LUZP2: variants seen among roughly 807,000 people sequenced by gnomAD.
LUZP2 encodes the protein leucine zipper protein 2.
In LUZP2, 52 loss-of-function variants were observed where a neutral mutation model predicts 51.6. The observed-to-expected ratio is 1.01, with a 90% confidence interval of 0.81 to 1.27. The LOEUF is 1.27. Ranked by LOEUF, LUZP2 falls within the 50% of genes most tolerant of loss-of-function variation. The pLI is 0.00. For missense variants in LUZP2, 436 were observed against 395.4 expected (o/e 1.10, Z -0.87); for synonymous variants, 154 against 137.3 (o/e 1.12, Z -0.85).
Position 24,541,257 on chromosome 11 carries a change from G to GAAAAA in LUZP2, c.62+43968_62+43972dup, listed in dbSNP as rs3077907. On this transcript the variant is annotated intron_variant, in intron 1 of 11. Coordinates refer to ENST00000336930, the MANE Select transcript of LUZP2 (RefSeq NM_001009909.4). ...GACAAGAGAGAGACTTCATCTCAAG[G>GAAAAA]AAAAAAAAAAAAAAAAAAAAGGAGT... Among the ~76,000 whole-genome samples, 4 of 114,206 alleles carry GAAAAA rather than the reference G, an allele frequency of 3.5e-5. 1 individual carries two copies. The highest frequency in any genetic ancestry group is 1.7e-5 in the Non-Finnish European group (1 of 58,830). 74.9% of individuals were successfully genotyped at this position (114,206 alleles called of 152,430 possible).
chr11:24,603,550 T>C lies in LUZP2; in HGVS notation c.62+106245T>C, dbSNP rs11028056. Reference sequence around the variant, plus strand: ...CACCATTTTTCTCATAACCATACTTTTCCAAAAAAATATTTTATAAAATGG... The same window carrying C: ...CACCATTTTTCTCATAACCATACTTCTCCAAAAAAATATTTTATAAAATGG... On this transcript the variant is annotated intron_variant, in intron 1 of 11. Transcript: ENST00000336930. Among the ~76,000 whole-genome samples the C allele has an allele frequency of 4.1e-3, 623 of 151,814 alleles. 12 individuals are homozygous for C. The East Asian group carries it at 0.052, about 13-fold the overall frequency.
At chr11:24,953,779 T>C (rs2133867089) in intron 7 of LUZP2, among the ~76,000 whole-genome samples, 1 of 152,148 alleles carries the variant, frequency 6.6e-6, no homozygotes, top group African/African-American at 2.4e-5. Context: ...AATACTGATT[T>C]AGAATCCACT....
chr11:24,730,111 GATA>G (rs924173634), intron 2 of LUZP2, among the ~76,000 whole-genome samples: 16 of 151,410 alleles, frequency 1.1e-4, no homozygotes, highest in African/African-American at 3.4e-4. Context: ...TGATAATAAT[GATA>G]ATGATGATGA....
Position 24,833,275 on chromosome 11 carries a change from A to G in LUZP2, c.396+69967A>G, listed in dbSNP as rs146613263. ...TCTGTAACAATTTTTCAAATTGGAG[A>G]ACTGGGAAACACTCAGTAATGGTAG... On this transcript the variant is annotated intron_variant, in intron 5 of 11. Coordinates refer to ENST00000336930, the MANE Select transcript of LUZP2 (RefSeq NM_001009909.4). Among the ~76,000 whole-genome samples, 543 of 152,300 alleles carry G rather than the reference A, an allele frequency of 3.6e-3. 2 individuals are homozygous for G. Among genetic ancestry groups the G allele is most frequent in the African/African-American group, 0.012 (512 of 41,586 alleles).
chr11:24,943,540 G>A (rs1854815542), intron 7 of LUZP2, among the ~76,000 whole-genome samples: 1 of 151,922 alleles, frequency 6.6e-6, no homozygotes, highest in African/African-American at 2.4e-5. Context: ...GCTATTCTGG[G>A]GAAAGTCCAT....
At chr11:24,964,127 A>G (rs1855510538) in intron 7 of LUZP2, among the ~76,000 whole-genome samples, 2 of 152,204 alleles carry the variant, frequency 1.3e-5, no homozygotes, top group Non-Finnish European at 2.9e-5. Flanking sequence ...TACCACCAAC[A>G]GTGTGCCAGG....
At chr11:24,897,830 C>T (rs2133772318) in intron 5 of LUZP2, among the ~76,000 whole-genome samples, 1 of 152,122 alleles carries the variant, frequency 6.6e-6, no homozygotes, top group South Asian at 2.1e-4. Context: ...TTTTTGCTTG[C>T]TCAATTGATT....
intron 9 of LUZP2, among the ~76,000 whole-genome samples, chr11:25,041,071 C>G (rs1858039620): frequency 6.6e-6 from 1 of 152,100 alleles, no homozygotes; most frequent in South Asian, 2.1e-4. Flanking sequence ...TACCTGTTGT[C>G]AGTTTTCTTA....
intron 1 of LUZP2, among the ~76,000 whole-genome samples, chr11:24,507,910 C>T (rs1381130007): frequency 6.6e-6 from 1 of 151,656 alleles, no homozygotes; most frequent in Non-Finnish European, 1.5e-5. Context: ...AGTCATATTG[C>T]CCTAGTGCCT....
At chr11:25,006,499 T>C (rs565149047) in intron 9 of LUZP2, among the ~76,000 whole-genome samples, 96 of 152,260 alleles carry the variant, frequency 6.3e-4, no homozygotes, top group African/African-American at 2.3e-3. Flanking sequence ...AAACCAATGC[T>C]CACAACTCCA....
chr11:25,050,362 C>T (rs530403671), intron 10 of LUZP2, among the ~76,000 whole-genome samples: 1 of 122,448 alleles, frequency 8.2e-6, no homozygotes, highest in Non-Finnish European at 1.6e-5. Flanking sequence ...AGTGCAGTGG[C>T]ACAATCTCGG....
At chr11:24,826,827 C>CA (rs1459632374) in intron 5 of LUZP2, among the ~76,000 whole-genome samples, 1 of 152,038 alleles carries the variant, frequency 6.6e-6, no homozygotes, top group Non-Finnish European at 1.5e-5. Context: ...AAATTAAAGG[C>CA]AAAAGAATAC....
At chr11:24,631,039 A>AT (rs1854870904) in intron 1 of LUZP2, among the ~76,000 whole-genome samples, 2 of 151,956 alleles carry the variant, frequency 1.3e-5, no homozygotes, top group African/African-American at 2.4e-5. Context: ...TTGTACATCG[A>AT]TTTTATGTCC....
chr11:24,749,601 G>T (rs190200912), intron 4 of LUZP2, among the ~76,000 whole-genome samples: 4 of 152,170 alleles, frequency 2.6e-5, no homozygotes, highest in Admixed American at 2.6e-4. Flanking sequence ...GGATAAGCTG[G>T]TTTACAGATA....
intron 10 of LUZP2, among the ~76,000 whole-genome samples, chr11:25,070,346 A>T (rs902819382): frequency 6.6e-6 from 1 of 151,992 alleles, no homozygotes; most frequent in African/African-American, 2.4e-5. Flanking sequence ...CAGTAAATAG[A>T]CTACATTTTA....
chr11:24,943,637 G>A (rs1300151750), intron 7 of LUZP2, among the ~76,000 whole-genome samples: 2 of 152,060 alleles, frequency 1.3e-5, no homozygotes, highest in East Asian at 3.9e-4. Context: ...CAGCACTTTG[G>A]GAGGCCAAGG....
chr11:24,819,992 G>A (rs1850308011), intron 5 of LUZP2, among the ~76,000 whole-genome samples: 1 of 152,068 alleles, frequency 6.6e-6, no homozygotes, highest in Non-Finnish European at 1.5e-5. Context: ...CTATATGAAG[G>A]AGTCATGGCA....
rs1286173706 is a variant in LUZP2 at position 25,017,073 on chromosome 11, T to A, written c.766-32965T>A. Among the ~76,000 whole-genome samples, 4 of 152,310 alleles carry A rather than the reference T, an allele frequency of 2.6e-5. No individual in the cohort carries two copies. The South Asian group carries it at 6.2e-4, about 24-fold the overall frequency. ...GTTTGTTGGCCATTTGTATATCTTA[T>A]TTTGTGAAGTATCTATTCATGCCAC... On this transcript the variant is annotated intron_variant, in intron 9 of 11. Coordinates refer to ENST00000336930, the MANE Select transcript of LUZP2 (RefSeq NM_001009909.4).
At chr11:24,983,773 AGCC>A (rs1856109421) in intron 9 of LUZP2, among the ~76,000 whole-genome samples, 1 of 150,790 alleles carries the variant, frequency 6.6e-6, no homozygotes, top group Non-Finnish European at 1.5e-5. Flanking sequence ...ATTAAAAAAA[AGCC>A]TTACTCCTGG....
Sources: allele counts gnomAD v4.1 joint callset (sites outside exome capture counted in the v4.1 genomes callset), GRCh38; gene constraint gnomAD v4.1.1; transcripts MANE v1.5; gene names NCBI Gene and HGNC (gene_info 2026-07-23, HGNC 2026-07-21).